SCAMP4: variants seen among roughly 807,000 people sequenced by gnomAD.
SCAMP4 encodes the protein secretory carrier membrane protein 4.
A neutral mutation model predicts 32.1 loss-of-function variants in SCAMP4; 19 were observed. The observed-to-expected ratio is 0.59, with a 90% confidence interval of 0.41 to 0.87. The LOEUF is 0.87. SCAMP4 is among the 40% of genes least tolerant of loss of function. The pLI, the probability that SCAMP4 is intolerant of heterozygous loss-of-function variation, is 0.00. For missense variants in SCAMP4, 302 were observed against 309.0 expected, an observed-to-expected ratio of 0.98 and a Z score of 0.17; for synonymous variants, 152 against 132.7, an observed-to-expected ratio of 1.15 and a Z score of -1.00.
chr19:1,916,444 C>T (rs1037791258), intron 2 of SCAMP4, among the ~76,000 whole-genome samples: 1 of 152,074 alleles, frequency 6.6e-6, no homozygotes, highest in African/African-American at 2.4e-5. Context: ...GGACTGTTAG[C>T]AGATAAATAT....
At chr19:1,906,394 C>T (rs902161480) in intron 1 of SCAMP4, 2 of 152,038 alleles carry the variant, frequency 1.3e-5, no homozygotes, top group Admixed American at 1.3e-4. Flanking sequence ...TTTTAATAAG[C>T]CAGGCATGGT....
At chr19:1,906,337 G>A (rs746284987) in intron 1 of SCAMP4, 5 of 151,782 alleles carry the variant, frequency 3.3e-5, no homozygotes, top group African/African-American at 4.8e-5. Context: ...TCCAGGCTGA[G>A]CAAGCTAGCA....
At position 1,921,502 on chromosome 19, in the gene SCAMP4, T is replaced by C. The variant is rs896494327; in HGVS notation, c.396-1568T>C. 23 of 985,374 alleles carry C rather than the reference T, an allele frequency of 2.3e-5. No individual in the cohort carries two copies. The Admixed American group carries it at 3.7e-4, about 16-fold the overall frequency. The allele number at this position is 985,374 out of a possible 1,614,324, so 61.0% of individuals were successfully genotyped here. On this transcript the variant is annotated intron_variant, in intron 5 of 6. Coordinates refer to ENST00000316097, the MANE Select transcript of SCAMP4 (RefSeq NM_079834.4). ...TCGGACATCAGCGGGCGCCGCAGCC[T>C]CTAAGCGGAGCATGCAGCCCACTGA...
intron 1 of SCAMP4, 26 bp downstream of exon 1, chr19:1,905,465 G>A (rs1402622891): frequency 8.8e-6 from 4 of 456,082 alleles, no homozygotes; most frequent in South Asian, 6.4e-5. Context: ...CGAGGTCTCG[G>A]GTTCTCCAGG....
intron 1 of SCAMP4, chr19:1,912,851 C>A (rs751793893): frequency 6.3e-7 from 1 of 1,596,976 alleles, no homozygotes; most frequent in Non-Finnish European, 8.5e-7. Flanking sequence ...GCTCCTTCGC[C>A]CCGGCCGCTG....
intron 1 of SCAMP4, among the ~76,000 whole-genome samples, chr19:1,911,619 A>G (rs887918069): frequency 6.6e-6 from 1 of 152,136 alleles, no homozygotes; most frequent in Non-Finnish European, 1.5e-5. Flanking sequence ...CATCTCTACT[A>G]AAAATACACA....
In SCAMP4 at chr19:1,924,107, G is replaced by A. The variant is rs1170844111; in HGVS notation, c.514-1G>A. 1 of 1,604,082 alleles carries A rather than the reference G, an allele frequency of 6.2e-7. No homozygotes were observed. On this transcript the variant is annotated splice_acceptor_variant, in intron 6 of 6. Coordinates refer to ENST00000316097, the MANE Select transcript of SCAMP4 (RefSeq NM_079834.4). LOFTEE classifies it high-confidence loss of function. ...TGCCTCCCTGTCCTCTGTCCTTGCA[G>A]GTGCACAGGATCTACCGAGGGGCTG...
intron 5 of SCAMP4, chr19:1,920,008 A>G (rs2013869131): frequency 3.3e-6 from 1 of 303,596 alleles, no homozygotes; most frequent in African/African-American, 2.3e-5. Context: ...ACGGGGTTTC[A>G]CCATGTGTTG....
chr19:1,912,565 C>T, intron 1 of SCAMP4: 1 of 1,498,738 alleles, frequency 6.7e-7, no homozygotes, highest in Non-Finnish European at 8.8e-7. Flanking sequence ...AAGCAGGTGA[C>T]CAGCGCCCTG....
Position 1,923,403 on chromosome 19 carries a change from A to G in SCAMP4, c.513+216A>G, listed in dbSNP as rs188312200. ...CCAGCGCCTGGGTTCCTATGGGGCCAGTCCTGTGGCCCCCTGGGCCGGGAG... is the reference window on the plus strand; with the variant it reads ...CCAGCGCCTGGGTTCCTATGGGGCCGGTCCTGTGGCCCCCTGGGCCGGGAG... On this transcript the variant is annotated intron_variant, in intron 6 of 6. Transcript: ENST00000316097. 2.3e-3 allele frequency among the ~76,000 whole-genome samples: 345 copies of G among 152,232 alleles called. 2 individuals carry two copies. The highest frequency in any genetic ancestry group is 7.8e-3 in the African/African-American group (324 of 41,536).
At chr19:1,919,836 G>T (rs1226719112) in intron 5 of SCAMP4, among the ~76,000 whole-genome samples, 1 of 149,034 alleles carries the variant, frequency 6.7e-6, no homozygotes. Flanking sequence ...TTGAGATGGA[G>T]TCGCTCTCTG....
At chr19:1,919,439 C>T in intron 5 of SCAMP4, 1 of 985,260 alleles carries the variant, frequency 1.0e-6, no homozygotes, top group Non-Finnish European at 1.2e-6. Context: ...TCTAAGGCTG[C>T]CAGGTGCCCA....
At chr19:1,916,274 C>A (rs981877006) in intron 2 of SCAMP4, among the ~76,000 whole-genome samples, 8 of 151,642 alleles carry the variant, frequency 5.3e-5, no homozygotes, top group African/African-American at 1.9e-4. Context: ...CAGGAGGAGT[C>A]GTCGTGGAGA....
chr19:1,918,856 G>A (rs1450992377), intron 4 of SCAMP4, 33 bp from the exon 5 acceptor site: 5 of 1,577,972 alleles, frequency 3.2e-6, no homozygotes, highest in Non-Finnish European at 4.3e-6. Context: ...AGCCAGGGCT[G>A]TGGTAACCGT....
chr19:1,923,983 C>T, intron 6 of SCAMP4, 125 bp from the exon 7 acceptor site: 1 of 302,178 alleles, frequency 3.3e-6, no homozygotes, highest in Non-Finnish European at 6.9e-6. Flanking sequence ...TGGTCTCGAA[C>T]TCCAGAGCTC....
chr19:1,916,562 G>A (rs944210574), intron 2 of SCAMP4, among the ~76,000 whole-genome samples: 2 of 152,080 alleles, frequency 1.3e-5, no homozygotes, highest in South Asian at 2.1e-4. Context: ...GGGTTCAAGC[G>A]ATCCTCCTGC....
intron 1 of SCAMP4, chr19:1,912,004 G>C (rs1019821615): frequency 4.2e-6 from 6 of 1,414,910 alleles, no homozygotes; most frequent in Admixed American, 3.0e-5. Flanking sequence ...ACGGCCTCCC[G>C]GGACGGACTC....
Position 1,914,975 on chromosome 19 carries a change from C to G in SCAMP4, c.-41-4C>G. On this transcript the variant is annotated splice_polypyrimidine_tract_variant and splice_region_variant and intron_variant, in intron 1 of 6. Transcript: ENST00000316097. ...TTCCCTGACTGTGGTTGTCTTCCTTCCAGGCGGCTGCAGGCTTCAGCCTGC... is the reference window on the plus strand; with the variant it reads ...TTCCCTGACTGTGGTTGTCTTCCTTGCAGGCGGCTGCAGGCTTCAGCCTGC... The G allele has an allele frequency of 1.9e-6, 3 of 1,613,536 alleles. No individual in the cohort carries two copies. The highest frequency in any genetic ancestry group is 2.5e-6 in the Non-Finnish European group (3 of 1,179,468).
chr19:1,917,689 T>C lies in SCAMP4; in HGVS notation c.8-5T>C, dbSNP rs759121704. 1.9e-5 allele frequency: 31 copies of C among 1,613,762 alleles called. No homozygotes were observed. Among genetic ancestry groups the C allele is most frequent in the Non-Finnish European group, 2.6e-5 (31 of 1,179,862 alleles). Reference sequence around the variant, plus strand: ...GTTCTGTCCGTGGGTTCTCTGTCCCTACAGAAAAGGAGAACAACTTCCCGC... The same window carrying C: ...GTTCTGTCCGTGGGTTCTCTGTCCCCACAGAAAAGGAGAACAACTTCCCGC... On this transcript the variant is annotated splice_region_variant and splice_polypyrimidine_tract_variant and intron_variant, in intron 2 of 6. Transcript: ENST00000316097.
Sources: allele counts gnomAD v4.1 joint callset (sites outside exome capture counted in the v4.1 genomes callset), GRCh38; gene constraint gnomAD v4.1.1; transcripts MANE v1.5; gene names NCBI Gene and HGNC (gene_info 2026-07-23, HGNC 2026-07-21).